The following MAP3K21 variants were observed in gnomAD, a reference collection of about 807,000 sequenced individuals.
MAP3K21 encodes the protein mitogen-activated protein kinase kinase kinase 21, also known as mitogen-activated protein kinase kinase kinase MLK4.
A neutral mutation model predicts 86.1 loss-of-function variants in MAP3K21; 63 were observed. That is an observed-to-expected ratio of 0.73 (90% CI 0.60 to 0.90). The LOEUF (loss-of-function observed/expected upper bound fraction) is 0.90. Ranked by LOEUF, MAP3K21 falls within the 40% of genes least tolerant of loss-of-function variation. MAP3K21 has a pLI of 0.00. For missense variants in MAP3K21, 1,220 were observed against 1,367.7 expected (o/e 0.89, Z 1.70); for synonymous variants, 558 against 564.8 (o/e 0.99, Z 0.17).
intron 5 of MAP3K21, among the ~76,000 whole-genome samples, chr1:233,365,518 T>A (rs1365102551): frequency 6.6e-6 from 1 of 152,114 alleles, no homozygotes; most frequent in Admixed American, 6.5e-5. Context: ...AGCAAGCATA[T>A]GAAAAAATGC....
Position 233,383,005 on chromosome 1 carries a change from T to C in MAP3K21, c.*294T>C, listed in dbSNP as rs957557139. 2.1e-5 allele frequency: 5 copies of C among 240,126 alleles called. No homozygotes were observed. The highest frequency in any genetic ancestry group is 1.0e-4 in the Admixed American group (2 of 20,088). 14.9% of individuals were successfully genotyped at this position (240,126 alleles called of 1,614,324 possible). A position where few individuals can be genotyped will look rare whatever the true frequency, so the allele number is the denominator to read the frequency against. On this transcript the variant is annotated 3_prime_UTR_variant, in exon 10 of 10. Transcript: ENST00000366624. ...TTACCTTCAGCACAATGTTAATGTT[T>C]TTGTTCTCATTTATGCCTTTGTCCA...
intron 9 of MAP3K21, among the ~76,000 whole-genome samples, chr1:233,380,830 T>G (rs1663899555): frequency 6.6e-6 from 1 of 152,178 alleles, no homozygotes; most frequent in African/African-American, 2.4e-5. Context: ...AGTAGTGGTG[T>G]CAGAATTTAA....
chr1:233,359,739 G>A (rs1316593925), intron 4 of MAP3K21, among the ~76,000 whole-genome samples: 1 of 152,224 alleles, frequency 6.6e-6, no homozygotes, highest in African/African-American at 2.4e-5. Context: ...GCCATTACCA[G>A]AGTGGCCTGT....
At chr1:233,335,449 G>A (rs1398417753) in intron 1 of MAP3K21, among the ~76,000 whole-genome samples, 1 of 152,032 alleles carries the variant, frequency 6.6e-6, no homozygotes, top group Non-Finnish European at 1.5e-5. Flanking sequence ...CATATTAGAT[G>A]CCGAGCACTA....
intron 6 of MAP3K21, chr1:233,372,984 T>A (rs1284687158): frequency 2.0e-5 from 3 of 152,162 alleles, no homozygotes; most frequent in African/African-American, 7.2e-5. Flanking sequence ...AAATTTTGTC[T>A]AATGAGGCTT....
Position 233,379,100 on chromosome 1 carries a change from C to T in MAP3K21, c.2094C>T (p.Ala698=). The part of the protein sequence containing the change: ...SWEEAASANA[A]TVSIEMTPTN... ...AGGAGGCAGCCTCTGCGAATGCTGC[C>T]ACAGTCTCCATTGAGATGACTCCTA... The change falls in exon 9 of 10, where the codon GCC becomes GCT. Residue 698 remains alanine (A), a synonymous_variant. Transcript: ENST00000366624. 1 of 1,614,166 alleles carries T rather than the reference C, an allele frequency of 6.2e-7. No homozygotes were observed. Among genetic ancestry groups the T allele is most frequent in the Admixed American group, 1.7e-5 (1 of 60,018 alleles).
chr1:233,372,187 C>T (rs375996435), intron 6 of MAP3K21, 27 bp downstream of exon 6: 2 of 1,611,642 alleles, frequency 1.2e-6, no homozygotes, highest in African/African-American at 1.3e-5. Flanking sequence ...GCCACGGGGG[C>T]TCCTGTGTTG....
intron 1 of MAP3K21, among the ~76,000 whole-genome samples, chr1:233,334,156 T>C (rs2102757752): frequency 8.0e-6 from 1 of 124,584 alleles, no homozygotes; most frequent in Non-Finnish European, 1.6e-5. Flanking sequence ...TGAGCCACCG[T>C]GCCTGGACTT....
chr1:233,376,080 A>G lies in MAP3K21; in HGVS notation c.1826+14A>G, dbSNP rs373077914. The G allele has an allele frequency of 1.1e-5, 17 of 1,587,474 alleles. No individual in the cohort carries two copies. The highest frequency in any genetic ancestry group is 1.4e-5 in the Non-Finnish European group (16 of 1,171,920). ...TTGCAAAGAAAGGTACGTGTGTGGT[A>G]TCTGGTGGTATTCATTGTGTAATAT... is the stretch of plus-strand genomic sequence containing the variant. On this transcript the variant is annotated intron_variant, in intron 7 of 9. Coordinates refer to ENST00000366624, the MANE Select transcript of MAP3K21 (RefSeq NM_032435.3).
rs145631321 is a variant in MAP3K21 at position 233,344,268 on chromosome 1, G to T, written c.806-2174G>T. ...ATGGAACCAAAAAAGAGCTCACATT[G>T]CCAAGACAATCCTAAGCAAAAAGAA... is the stretch of plus-strand genomic sequence containing the variant. On this transcript the variant is annotated intron_variant, in intron 1 of 9. Coordinates refer to ENST00000366624, the MANE Select transcript of MAP3K21 (RefSeq NM_032435.3). Among the ~76,000 whole-genome samples, 269 of 152,250 alleles carry T rather than the reference G, an allele frequency of 1.8e-3. 5 individuals carry two copies. In the East Asian group the frequency reaches 0.046, roughly 26 times the overall value.
Position 233,362,251 on chromosome 1 carries a change from C to A in MAP3K21, c.1510C>A (p.Arg504Ser). The change falls in exon 5 of 10, where the codon CGT (arginine) becomes AGT (serine). Residue 504 changes from arginine (R) to serine (S), a missense_variant. Arg to Ser is a moderately radical substitution (Grantham distance 110, BLOSUM62 -1). Around this residue, in one of 5 missense-constraint regions of MAP3K21, gnomAD observed 632 missense variants for 691.3 expected, o/e 0.91. Transcript: ENST00000366624. ...GAGGAAGGGCAAGTTTAAGAGAAGT[C>A]GTTTAAAGCTCAAAGATGGACATCG... ...KKRKGKFKRS[R>S]LKLKDGHRIS... 6.2e-7 allele frequency: 1 copy of A among 1,614,150 alleles called. No homozygotes were observed. Among genetic ancestry groups the A allele is most frequent in the Non-Finnish European group, 8.5e-7 (1 of 1,180,024 alleles).
chr1:233,358,477 T>TTTG lies in MAP3K21; in HGVS notation c.1311+3468_1311+3469insGTT, dbSNP rs72376019. Among the ~76,000 whole-genome samples, 81 of 135,360 alleles carry TTTG rather than the reference T, an allele frequency of 6.0e-4. 2 individuals are homozygous for TTTG. In the South Asian group the frequency reaches 0.018, roughly 31 times the overall value. 88.8% of individuals were successfully genotyped at this position (135,360 alleles called of 152,430 possible). A position where few individuals can be genotyped will look rare whatever the true frequency, so the allele number is the denominator to read the frequency against. On this transcript the variant is annotated intron_variant, in intron 4 of 9. Transcript: ENST00000366624. The stretch of plus-strand genomic sequence containing the variant: ...ATACAGGAAAGACTCTAATTTGTTT[T>TTTG]TTTTTTTTTTAACACTTCCCCAAAT...
At chr1:233,356,587 C>T (rs893121720) in intron 4 of MAP3K21, among the ~76,000 whole-genome samples, 2 of 152,102 alleles carry the variant, frequency 1.3e-5, no homozygotes, top group African/African-American at 4.8e-5. Context: ...GTTCCACTTC[C>T]GCTTACAGAT....
At chr1:233,372,885 C>T (rs976228402) in intron 6 of MAP3K21, 2 of 152,044 alleles carry the variant, frequency 1.3e-5, no homozygotes, top group African/African-American at 4.8e-5. Flanking sequence ...CTGTGGTAAA[C>T]CATTCATTTG....
chr1:233,350,467 T>C (rs1246834570), intron 2 of MAP3K21, among the ~76,000 whole-genome samples: 3 of 152,174 alleles, frequency 2.0e-5, no homozygotes, highest in Non-Finnish European at 4.4e-5. Context: ...GAATTATAGA[T>C]ACCATTGCTG....
chr1:233,376,609 C>A, intron 8 of MAP3K21, 82 bp downstream of exon 8: 2 of 924,944 alleles, frequency 2.2e-6, no homozygotes, highest in Non-Finnish European at 3.4e-6. Context: ...TACAGTCTTA[C>A]GTGGTCATTA....
chr1:233,380,295 G>A (rs12021569), intron 9 of MAP3K21, among the ~76,000 whole-genome samples: 31,511 of 152,110 alleles, frequency 0.21, 3,532 homozygotes, highest in East Asian at 0.32. Context: ...ACTTCTAGAC[G>A]GCCGTTTTCT....
intron 6 of MAP3K21, among the ~76,000 whole-genome samples, chr1:233,375,324 A>G (rs12240140): frequency 0.055 from 8,329 of 152,260 alleles, 753 homozygotes; most frequent in African/African-American, 0.19. Context: ...AGGAATATAC[A>G]TCGTCCTGTG....
intron 4 of MAP3K21, among the ~76,000 whole-genome samples, chr1:233,357,702 GGAA>G (rs1339055055): frequency 6.6e-6 from 1 of 152,192 alleles, no homozygotes. Context: ...TCCAAGAACA[GGAA>G]GAACACACAG....
Sources: allele counts gnomAD v4.1 joint callset (sites outside exome capture counted in the v4.1 genomes callset), GRCh38; gene constraint gnomAD v4.1.1; regional missense constraint gnomAD v4.1.1; transcripts MANE v1.5; gene names NCBI Gene and HGNC (gene_info 2026-07-23, HGNC 2026-07-21).